Variants in ARHGEF4 observed in about 807,000 individuals in gnomAD.
ARHGEF4 encodes Rho guanine nucleotide exchange factor 4, also known as APC-stimulated guanine nucleotide exchange factor 1.
ARHGEF4 carries 119 observed loss-of-function variants against 162.0 expected under a neutral mutation model. That is an observed-to-expected ratio of 0.73 (90% CI 0.63 to 0.86). The LOEUF (loss-of-function observed/expected upper bound fraction) is 0.86. Among genes scored for constraint, ARHGEF4 ranks in the 40% least tolerant of loss-of-function variants. The pLI is 0.00. For synonymous variants in ARHGEF4, 1,014 were observed against 979.9 expected (o/e 1.03, Z -0.65); for missense variants, 2,488 against 2,456.0 (o/e 1.01, Z -0.28).
chr2:130,877,675 T>C (rs936056810), intron 1 of ARHGEF4, among the ~76,000 whole-genome samples: 1 of 152,160 alleles, frequency 6.6e-6, no homozygotes, highest in Non-Finnish European at 1.5e-5. Context: ...TAAATAATCA[T>C]GCCACCTTCT....
intron 4 of ARHGEF4, among the ~76,000 whole-genome samples, chr2:131,002,861 T>C (rs1248091821): frequency 6.6e-6 from 1 of 152,174 alleles, no homozygotes; most frequent in East Asian, 1.9e-4. Flanking sequence ...TTTTCAACAT[T>C]GTTGGTTTAC....
chr2:131,035,903 G>C (rs1690240967), intron 5 of ARHGEF4: 1 of 980,242 alleles, frequency 1.0e-6, no homozygotes, highest in South Asian at 4.7e-5. Context: ...GCCTGGCAGC[G>C]TTGCCCTTCT....
intron 4 of ARHGEF4, among the ~76,000 whole-genome samples, chr2:130,982,371 C>G (rs1259634246): frequency 6.6e-6 from 1 of 151,998 alleles, no homozygotes; most frequent in Non-Finnish European, 1.5e-5. Context: ...CAAATTTCTC[C>G]AATTGTCTAT....
intron 4 of ARHGEF4, among the ~76,000 whole-genome samples, chr2:131,024,035 A>G (rs1347791746): frequency 6.6e-6 from 1 of 152,176 alleles, no homozygotes; most frequent in African/African-American, 2.4e-5. Context: ...AAAAGCCTAC[A>G]TACAGGTTGC....
At chr2:130,908,150 A>G (rs1680950248) in intron 1 of ARHGEF4, among the ~76,000 whole-genome samples, 1 of 151,946 alleles carries the variant, frequency 6.6e-6, no homozygotes, top group East Asian at 1.9e-4. Flanking sequence ...TGTAATTCTC[A>G]CTGTAGAGAT....
At chr2:130,929,921 C>T (rs927335229) in intron 2 of ARHGEF4, 9 of 149,406 alleles carry the variant, frequency 6.0e-5, no homozygotes, top group African/African-American at 2.2e-4. Flanking sequence ...GAGACCGAGT[C>T]TCGCTTTGTT....
chr2:130,990,232 C>A (rs572479838), intron 4 of ARHGEF4, among the ~76,000 whole-genome samples: 1 of 152,152 alleles, frequency 6.6e-6, no homozygotes, highest in African/African-American at 2.4e-5. Flanking sequence ...CTTTTTAAAT[C>A]TCTGTAGCTG....
chr2:130,944,412 G>T (rs968884693), intron 3 of ARHGEF4, among the ~76,000 whole-genome samples: 4 of 152,236 alleles, frequency 2.6e-5, no homozygotes, highest in Middle Eastern at 3.4e-3. Context: ...TTAGACCTTT[G>T]TTGTTGTCAC....
rs371248319 is a variant in ARHGEF4 at position 130,974,438 on chromosome 2, C to CTTTTTGTTTGTTGT, written c.3985+27808_3985+27821dup. 1.1e-3 allele frequency among the ~76,000 whole-genome samples: 162 copies of CTTTTTGTTTGTTGT among 151,720 alleles called. 1 individual carries two copies. The highest frequency in any genetic ancestry group is 3.5e-3 in the African/African-American group (143 of 41,354). The stretch of plus-strand genomic sequence containing the variant: ...AACATAACTGTAAAGAATCCTAGCT[C>CTTTTTGTTTGTTGT]TTTTTGTTTGTTGTTTTTATTTTTT... On this transcript the variant is annotated intron_variant, in intron 4 of 13. Coordinates refer to ENST00000409359, the MANE Select transcript of ARHGEF4 (RefSeq NM_001367493.1).
At chr2:130,950,772 T>C (rs1306681766) in intron 4 of ARHGEF4, among the ~76,000 whole-genome samples, 3 of 151,228 alleles carry the variant, frequency 2.0e-5, no homozygotes, top group Non-Finnish European at 4.4e-5. Context: ...GATGGAATCA[T>C]GTAGGAACTG....
rs777856256 is a variant in ARHGEF4, at chr2:131,040,181, G to A, written c.4471G>A (p.Asp1491Asn). The change falls in exon 7 of 14, where the codon GAC becomes AAC. Residue 1491 changes from aspartate (D) to asparagine (N), a missense_variant. Asp to Asn is a conservative substitution (Grantham distance 23). Transcript: ENST00000409359. The part of the protein sequence containing the change: ...TERDYIKHLR[D>N]ICEGYVRQCR... Reference sequence around the variant, plus strand: ...GCGGGACTACATCAAGCACCTGCGCGACATCTGCGAGGTGAGGCCCGGCCG... The same window carrying A: ...GCGGGACTACATCAAGCACCTGCGCAACATCTGCGAGGTGAGGCCCGGCCG... 1 of 1,610,528 alleles carries A rather than the reference G, an allele frequency of 6.2e-7. No homozygotes were observed. Among genetic ancestry groups the A allele is most frequent in the Non-Finnish European group, 8.5e-7 (1 of 1,177,804 alleles).
intron 1 of ARHGEF4, among the ~76,000 whole-genome samples, chr2:130,906,282 G>A (rs1169720903): frequency 2.0e-5 from 3 of 152,142 alleles, no homozygotes; most frequent in Admixed American, 2.0e-4. Flanking sequence ...TAGCCACTGT[G>A]GTGACACTGA....
intron 4 of ARHGEF4, among the ~76,000 whole-genome samples, chr2:130,979,734 T>TAAAAA (rs776769283): frequency 1.1e-5 from 1 of 92,714 alleles, no homozygotes; most frequent in East Asian, 3.4e-4. Flanking sequence ...AGACTCCATC[T>TAAAAA]AAAAAAAAAA....
rs1682258688 is a variant in ARHGEF4 at position 130,926,052 on chromosome 2, T to TTCTTTCTTTCTTTCTTTC, written c.3553-4898_3553-4881dup. The stretch of plus-strand genomic sequence containing the variant: ...TCTTTCTTTCTTTCTTTCTTTCTCT[T>TTCTTTCTTTCTTTCTTTC]TCTTTCTTTCTTTCTTTCTTTCTTT... On this transcript the variant is annotated intron_variant, in intron 2 of 13. Coordinates refer to ENST00000409359, the MANE Select transcript of ARHGEF4 (RefSeq NM_001367493.1). Among the ~76,000 whole-genome samples, 165 of 98,324 alleles carry TTCTTTCTTTCTTTCTTTC rather than the reference T, an allele frequency of 1.7e-3. 1 individual carries two copies. The highest frequency in any genetic ancestry group is 6.0e-3 in the African/African-American group (147 of 24,538). The allele number at this position is 98,324 out of a possible 152,430, so 64.5% of individuals were successfully genotyped here.
intron 1 of ARHGEF4, among the ~76,000 whole-genome samples, chr2:130,851,310 G>A (rs1681393570): frequency 6.6e-6 from 1 of 152,246 alleles, no homozygotes; most frequent in Admixed American, 6.5e-5. Flanking sequence ...GAGGGTGCTG[G>A]CGCCAGCTCC....
chr2:130,968,727 G>A lies in ARHGEF4; in HGVS notation c.3985+22092G>A, dbSNP rs984995982. Among the ~76,000 whole-genome samples the A allele has an allele frequency of 3.3e-5, 5 of 152,084 alleles. No homozygotes were observed. The East Asian group carries it at 7.7e-4, about 23-fold the overall frequency. ...AAGGCCAGAAGTTTGAGACCAGCCC[G>A]GCCAAAATAGTGAAACCCCGTCTCT... On this transcript the variant is annotated intron_variant, in intron 4 of 13. Transcript: ENST00000409359.
chr2:130,924,281 CTT>C (rs56004099), intron 2 of ARHGEF4, among the ~76,000 whole-genome samples: 177 of 140,214 alleles, frequency 1.3e-3, no homozygotes, highest in Middle Eastern at 3.7e-3. Context: ...GGCATAGTTC[CTT>C]TTTTTTTTTT....
chr2:130,852,494 G>T lies in ARHGEF4; in HGVS notation c.39+15502G>T, dbSNP rs1319656720. Among the ~76,000 whole-genome samples the T allele has an allele frequency of 2.0e-5, 3 of 151,696 alleles. No homozygotes were observed. The East Asian group carries it at 5.8e-4, about 29-fold the overall frequency. ...ATGCCTTGATGAGACTGACTGTGGG[G>T]AGTGGGGAGCCATCGGGCCAGACTG... On this transcript the variant is annotated intron_variant, in intron 1 of 13. Transcript: ENST00000409359.
At chr2:131,019,054 G>A (rs1688931588) in intron 4 of ARHGEF4, among the ~76,000 whole-genome samples, 1 of 152,002 alleles carries the variant, frequency 6.6e-6, no homozygotes, top group Non-Finnish European at 1.5e-5. Flanking sequence ...AAATAATTTT[G>A]GCTAGTCAGG....
Sources: gnomAD v4.1 joint callset for allele counts (sites outside exome capture counted in the v4.1 genomes callset) on GRCh38, gnomAD v4.1.1 for gene constraint, MANE v1.5 for transcripts, NCBI Gene and HGNC (gene_info 2026-07-23, HGNC 2026-07-21) for gene names.